RAB14: variants seen among roughly 807,000 people sequenced by gnomAD.
The protein encoded by RAB14 is ras-related protein Rab-14.
A neutral mutation model predicts 31.1 loss-of-function variants in RAB14; 3 were observed. The ratio of observed to expected loss-of-function variants is 0.10; its 90% confidence interval spans 0.04 to 0.25. The LOEUF is 0.25. Among genes scored for constraint, RAB14 ranks in the 10% least tolerant of loss-of-function variants. The pLI is 1.00. For missense variants in RAB14, 111 were observed against 260.1 expected (o/e 0.43, Z 3.94); for synonymous variants, 85 against 84.9 (o/e 1.00, Z 0.00).
chr9:121,198,079 C>T (rs1294609665), intron 1 of RAB14, among the ~76,000 whole-genome samples: 1 of 151,522 alleles, frequency 6.6e-6, no homozygotes, highest in Non-Finnish European at 1.5e-5. Context: ...GAATACACAC[C>T]AAATTGTGAA....
At chr9:121,197,609 G>GACAT (rs2053725357) in intron 1 of RAB14, among the ~76,000 whole-genome samples, 1 of 152,108 alleles carries the variant, frequency 6.6e-6, no homozygotes, top group African/African-American at 2.4e-5. Flanking sequence ...AGATTACACA[G>GACAT]ACATATAAAC....
At position 121,179,673 on chromosome 9, in the gene RAB14, T is replaced by A. The variant is rs955099828; in HGVS notation, c.*1723A>T. 1.4e-4 allele frequency: 22 copies of A among 152,606 alleles called. No homozygotes were observed. The highest frequency in any genetic ancestry group is 4.6e-4 in the African/African-American group (19 of 41,428). The allele number at this position is 152,606 out of a possible 1,614,324, so 9.5% of individuals were successfully genotyped here. On this transcript the variant is annotated 3_prime_UTR_variant, in exon 8 of 8. Coordinates refer to ENST00000373840, the MANE Select transcript of RAB14 (RefSeq NM_016322.4). ...TTAAAAAGTTAAACAAAGACAAAAA[T>A]AAAAATGAATCCACAAATTAACCAA...
At chr9:121,187,943 A>G (rs530153769) in intron 4 of RAB14, among the ~76,000 whole-genome samples, 139 of 152,080 alleles carry the variant, frequency 9.1e-4, no homozygotes, top group African/African-American at 3.2e-3. Context: ...CAAATACCAC[A>G]TGTCCTTTAA....
chr9:121,180,750 ACTTT>A lies in RAB14; in HGVS notation c.*642_*645del, dbSNP rs1417226204. On this transcript the variant is annotated 3_prime_UTR_variant, in exon 8 of 8. Coordinates refer to ENST00000373840, the MANE Select transcript of RAB14 (RefSeq NM_016322.4). The stretch of plus-strand genomic sequence containing the variant: ...ATTCCTTCAAATTTTATACATATTT[ACTTT>A]CTGTTAAAGAGAAAAGGATAAAATG... 1 of 152,666 alleles carries A rather than the reference ACTTT, an allele frequency of 6.6e-6. No individual in the cohort carries two copies. Among genetic ancestry groups the A allele is most frequent in the African/African-American group, 2.4e-5 (1 of 41,470 alleles). The allele number at this position is 152,666 out of a possible 1,614,324, so 9.5% of individuals were successfully genotyped here.
intron 1 of RAB14, among the ~76,000 whole-genome samples, chr9:121,194,094 TCACACACACACACA>T (rs56303323): frequency 1.4e-5 from 2 of 138,956 alleles, no homozygotes; most frequent in South Asian, 2.2e-4. Flanking sequence ...AGATTATCAC[TCACACACACACACA>T]CACACACACA....
chr9:121,192,477 AT>A lies in RAB14; in HGVS notation c.53-254del, dbSNP rs961419250. Among the ~76,000 whole-genome samples the A allele has an allele frequency of 1.1e-4, 17 of 152,060 alleles. 1 individual carries two copies. The highest frequency in any genetic ancestry group is 1.0e-3 in the Admixed American group (16 of 15,264). On this transcript the variant is annotated intron_variant, in intron 2 of 7. Transcript: ENST00000373840. ...AATAGCCACCAGCTGGGAAGTGCTTATTTTTTTAATGGAATTTTTTTTACTT... is the reference window on the plus strand; with the variant it reads ...AATAGCCACCAGCTGGGAAGTGCTTATTTTTTAATGGAATTTTTTTTACTT...
intron 1 of RAB14, among the ~76,000 whole-genome samples, chr9:121,201,253 C>A (rs2053772881): frequency 6.6e-6 from 1 of 152,126 alleles, no homozygotes; most frequent in Non-Finnish European, 1.5e-5. Flanking sequence ...GTACACCCTG[C>A]GGGGGCGGGC....
chr9:121,192,917 A>C (rs1588370671), intron 2 of RAB14, among the ~76,000 whole-genome samples: 1 of 152,146 alleles, frequency 6.6e-6, no homozygotes, highest in African/African-American at 2.4e-5. Context: ...ACCTTCTTGA[A>C]ACTTAAGGAA....
At chr9:121,190,533 G>T (rs1054096656) in intron 4 of RAB14, 21 bp downstream of exon 4, 3 of 1,542,436 alleles carry the variant, frequency 1.9e-6, no homozygotes, top group Non-Finnish European at 2.6e-6. Flanking sequence ...CCCATATGAA[G>T]GTTGAAAAAT....
At chr9:121,181,988 C>T (rs573320396) in intron 7 of RAB14, among the ~76,000 whole-genome samples, 115 of 151,996 alleles carry the variant, frequency 7.6e-4, no homozygotes, top group Non-Finnish European at 1.4e-3. Flanking sequence ...CCTCGTGATC[C>T]GCCTGCCTTG....
chr9:121,194,090 T>TCACACA (rs56275636), intron 1 of RAB14, among the ~76,000 whole-genome samples: 2,277 of 141,300 alleles, frequency 0.016, 40 homozygotes, highest in African/African-American at 0.039. Context: ...TTGCAGATTA[T>TCACACA]CACTCACACA....
At chr9:121,186,834 C>T in intron 5 of RAB14, 119 bp downstream of exon 5, 1 of 540,712 alleles carries the variant, frequency 1.8e-6, no homozygotes, top group Non-Finnish European at 3.2e-6. Flanking sequence ...TTGAAGAATA[C>T]AATAAAAATT....
chr9:121,199,301 G>C (rs2053736792), intron 1 of RAB14, among the ~76,000 whole-genome samples: 1 of 152,200 alleles, frequency 6.6e-6, no homozygotes, highest in Non-Finnish European at 1.5e-5. Context: ...TGAATGCTCA[G>C]TATGCTACCT....
intron 1 of RAB14, among the ~76,000 whole-genome samples, chr9:121,199,415 C>T (rs1161261855): frequency 6.6e-6 from 1 of 152,206 alleles, no homozygotes; most frequent in Non-Finnish European, 1.5e-5. Context: ...TTAGCCATGC[C>T]TGGCATTTTT....
At position 121,186,912 on chromosome 9, in the gene RAB14, G is replaced by C. The variant is rs755300623; in HGVS notation, c.351+41C>G. On this transcript the variant is annotated intron_variant, in intron 5 of 7. Coordinates refer to ENST00000373840, the MANE Select transcript of RAB14 (RefSeq NM_016322.4). ...TGGCTTCCCTTTTTGGGTTAGCTTAGTTCTTAAATTTTCTGTGTAATAAGA... is the reference window on the plus strand; with the variant it reads ...TGGCTTCCCTTTTTGGGTTAGCTTACTTCTTAAATTTTCTGTGTAATAAGA... 5 of 1,421,056 alleles carry C rather than the reference G, an allele frequency of 3.5e-6. No homozygotes were observed. In the African/African-American group the frequency reaches 4.5e-5, roughly 13 times the overall value. 88.0% of individuals were successfully genotyped at this position (1,421,056 alleles called of 1,614,324 possible). A position where few individuals can be genotyped will look rare whatever the true frequency, so the allele number is the denominator to read the frequency against.
chr9:121,181,282 CTTTTT>C lies in RAB14; in HGVS notation c.*109_*113del. The stretch of plus-strand genomic sequence containing the variant: ...AACTGTTTTTACAACAGAGTTTTTT[CTTTTT>C]TTTTAATTAAACCCAGTAAGATGTA... On this transcript the variant is annotated 3_prime_UTR_variant, in exon 8 of 8. Transcript: ENST00000373840. 8.9e-7 allele frequency: 1 copy of C among 1,124,270 alleles called. No individual in the cohort carries two copies. Among genetic ancestry groups the C allele is most frequent in the Non-Finnish European group, 1.2e-6 (1 of 829,168 alleles). 69.6% of individuals were successfully genotyped at this position (1,124,270 alleles called of 1,614,324 possible). A position where few individuals can be genotyped will look rare whatever the true frequency, so the allele number is the denominator to read the frequency against.
At chr9:121,183,013 G>A (rs2053641664) in intron 6 of RAB14, 53 bp from the exon 7 acceptor site, 13 of 1,517,960 alleles carry the variant, frequency 8.6e-6, no homozygotes, top group Admixed American at 5.5e-5. Flanking sequence ...ACTCACAAGT[G>A]CACTTCTTTA....
At chr9:121,198,020 A>AACACACACACACACAC (rs58467154) in intron 1 of RAB14, among the ~76,000 whole-genome samples, 1 of 149,962 alleles carries the variant, frequency 6.7e-6, no homozygotes, top group African/African-American at 2.4e-5. Context: ...CCCACTTTCA[A>AACACACACACACACAC]ACACACACAC....
At chr9:121,188,084 T>C (rs943742654) in intron 4 of RAB14, among the ~76,000 whole-genome samples, 3 of 152,120 alleles carry the variant, frequency 2.0e-5, no homozygotes, top group Middle Eastern at 6.8e-3. Context: ...CAGACTTTTA[T>C]TGTGTTACAT....
Sources: gnomAD v4.1 joint callset for allele counts (sites outside exome capture counted in the v4.1 genomes callset) on GRCh38, gnomAD v4.1.1 for gene constraint, MANE v1.5 for transcripts, NCBI Gene and HGNC (gene_info 2026-07-23, HGNC 2026-07-21) for gene names.